Variants in PCDHA3 observed in about 807,000 individuals in gnomAD.
PCDHA3 encodes the protein protocadherin alpha-3.
In PCDHA3, 41 loss-of-function variants were observed where a neutral mutation model predicts 62.2. The ratio of observed to expected loss-of-function variants is 0.66; its 90% CI spans 0.51 to 0.86. The LOEUF is 0.86. Among genes scored for constraint, PCDHA3 ranks in the 40% least tolerant of loss-of-function variants. The probability of loss-of-function intolerance (pLI) is 0.00; values close to 1 mark genes in which losing one functional copy is unlikely to be tolerated. For synonymous variants in PCDHA3, 640 were observed against 555.4 expected (o/e 1.15, Z -2.14); for missense variants, 1,304 against 1,241.2 (o/e 1.05, Z -0.76).
At position 140,855,779 on chromosome 5, in the gene PCDHA3, A is replaced by T. The variant is rs1017564312; in HGVS notation, c.2394+52188A>T. On this transcript the variant is annotated intron_variant, in intron 1 of 3. Transcript: ENST00000522353. ...AAAGTCCATAGACATAAAAATACGT[A>T]AAAAAAGAATTAACATATGAATGAA... is the stretch of plus-strand genomic sequence containing the variant. 1.2e-5 allele frequency: 5 copies of T among 408,902 alleles called. 1 individual carries two copies. Among genetic ancestry groups the T allele is most frequent in the African/African-American group, 2.0e-5 (1 of 49,354 alleles). The allele number at this position is 408,902 out of a possible 1,614,324, so 25.3% of individuals were successfully genotyped here.
At chr5:140,872,797 C>T (rs2153276720) in intron 1 of PCDHA3, among the ~76,000 whole-genome samples, 1 of 152,196 alleles carries the variant, frequency 6.6e-6, no homozygotes, top group South Asian at 2.1e-4. Flanking sequence ...AGTTGGCATT[C>T]TTCCATAAGT....
intron 1 of PCDHA3, chr5:140,862,170 GC>G (rs2047237372): frequency 6.1e-6 from 1 of 164,918 alleles, no homozygotes; most frequent in Non-Finnish European, 1.3e-5. Flanking sequence ...TCAAATACAG[GC>G]AGTTGACACA....
In PCDHA3 at chr5:140,967,564, A is replaced by G. The variant is rs1554229677; in HGVS notation, c.2395-11385A>G. Reference sequence around the variant, plus strand: ...ACCAGTCCACTTATCGCGTCCAGCTACGGGAGGACTCACCCCCAGGCACAT... The same window carrying G: ...ACCAGTCCACTTATCGCGTCCAGCTGCGGGAGGACTCACCCCCAGGCACAT... On this transcript the variant is annotated intron_variant, in intron 1 of 3. Coordinates refer to ENST00000522353, the MANE Select transcript of PCDHA3 (RefSeq NM_018906.3). 10 of 1,614,070 alleles carry G rather than the reference A, an allele frequency of 6.2e-6. No individual in the cohort carries two copies. The Middle Eastern group carries it at 4.9e-4, about 80-fold the overall frequency.
At chr5:140,935,104 A>C (rs1233919640) in intron 1 of PCDHA3, among the ~76,000 whole-genome samples, 1 of 152,126 alleles carries the variant, frequency 6.6e-6, no homozygotes, top group South Asian at 2.1e-4. Flanking sequence ...GCCATTTTTC[A>C]AAGAGCTTTC....
At chr5:140,877,761 C>T (rs2057326734) in intron 1 of PCDHA3, 4 of 1,614,180 alleles carry the variant, frequency 2.5e-6, no homozygotes, top group Non-Finnish European at 8.5e-7. Flanking sequence ...CTGCAGAGAG[C>T]CCGCCCAAGA....
At position 141,010,202 on chromosome 5, in the gene PCDHA3, G is replaced by C; in HGVS notation, c.*265G>C. 6.4e-7 allele frequency: 1 copy of C among 1,551,944 alleles called. No homozygotes were observed. The highest frequency in any genetic ancestry group is 8.7e-7 in the Non-Finnish European group (1 of 1,147,050). The stretch of plus-strand genomic sequence containing the variant: ...CAGACCCAAGTTTCCTTTCTCCTCC[G>C]CCGCAAAGGAGAGGCTTCCCAGCCC... On this transcript the variant is annotated 3_prime_UTR_variant, in exon 4 of 4. Coordinates refer to ENST00000522353, the MANE Select transcript of PCDHA3 (RefSeq NM_018906.3).
At chr5:140,875,546 AGGTGGGGAGCG>A in intron 1 of PCDHA3, 1 of 1,614,002 alleles carries the variant, frequency 6.2e-7, no homozygotes, top group Non-Finnish European at 8.5e-7. Context: ...GCAGCCTGGG[AGGTGGGGAGCG>A]GCCAGCTCCA....
chr5:140,877,172 C>T, intron 1 of PCDHA3: 2 of 1,613,816 alleles, frequency 1.2e-6, no homozygotes, highest in Non-Finnish European at 1.7e-6. Flanking sequence ...GCACTGCTGG[C>T]GACTCCGGCT....
At chr5:140,875,807 G>A in intron 1 of PCDHA3, 1 of 1,614,206 alleles carries the variant, frequency 6.2e-7, no homozygotes, top group South Asian at 1.1e-5. Flanking sequence ...ATCGTGGACA[G>A]GCCGCTGCAG....
At chr5:140,936,266 A>G (rs1407459228) in intron 1 of PCDHA3, among the ~76,000 whole-genome samples, 1 of 152,182 alleles carries the variant, frequency 6.6e-6, no homozygotes, top group African/African-American at 2.4e-5. Context: ...TCATGAAGAT[A>G]TATTCCTGTG....
chr5:140,882,124 C>T (rs1166492594), intron 1 of PCDHA3: 2 of 1,459,646 alleles, frequency 1.4e-6, no homozygotes, highest in African/African-American at 1.4e-5. Flanking sequence ...CCGTTTCTTT[C>T]TTCCTGCAGA....
At chr5:140,955,522 C>A (rs1467341493) in intron 1 of PCDHA3, among the ~76,000 whole-genome samples, 5 of 152,180 alleles carry the variant, frequency 3.3e-5, no homozygotes, top group African/African-American at 1.2e-4. Context: ...GCTTTCCCTT[C>A]CACCATGATT....
In PCDHA3 at chr5:140,830,374, G is replaced by A. The variant is rs150255684; in HGVS notation, c.2394+26783G>A. 1.2e-3 allele frequency: 1,975 copies of A among 1,614,156 alleles called. 3 individuals are homozygous for A. The highest frequency in any genetic ancestry group is 1.6e-3 in the Non-Finnish European group (1,872 of 1,180,020). On this transcript the variant is annotated intron_variant, in intron 1 of 3. Transcript: ENST00000522353. ...AGAGGCGGCAGAGGGTGTGCTCCGG[G>A]GAGGGCCCACCCAAGATGGATCTCA...
intron 1 of PCDHA3, chr5:140,836,191 A>T (rs2150255019): frequency 1.2e-6 from 2 of 1,613,828 alleles, no homozygotes; most frequent in Non-Finnish European, 1.7e-6. Context: ...GACTCAGGCT[A>T]CAACGCGTGG....
At position 140,853,409 on chromosome 5, in the gene PCDHA3, G is replaced by C. The variant is rs2042740384; in HGVS notation, c.2394+49818G>C. 1.0e-5 allele frequency: 10 copies of C among 985,968 alleles called. 2 individuals are homozygous for C. Among genetic ancestry groups the C allele is most frequent in the Non-Finnish European group, 1.2e-5 (10 of 818,342 alleles). 61.1% of individuals were successfully genotyped at this position (985,968 alleles called of 1,614,324 possible). On this transcript the variant is annotated intron_variant, in intron 1 of 3. Transcript: ENST00000522353. Reference sequence around the variant, plus strand: ...CAGCCTGTCAAGTTCAAAACAGAGAGGTGAAAGCAGAAGAGACACTTTCCT... The same window carrying C: ...CAGCCTGTCAAGTTCAAAACAGAGACGTGAAAGCAGAAGAGACACTTTCCT...
intron 1 of PCDHA3, chr5:140,927,292 C>G (rs782109776): frequency 1.3e-5 from 21 of 1,614,162 alleles, no homozygotes; most frequent in Non-Finnish European, 1.7e-6. Context: ...GCTGCACATC[C>G]CCGAGTTCCT....
chr5:140,850,234 T>A lies in PCDHA3; in HGVS notation c.2394+46643T>A, dbSNP rs2150474836. The A allele has an allele frequency of 8.5e-5, 136 of 1,593,694 alleles. 18 individuals carry two copies. Among genetic ancestry groups the A allele is most frequent in the Non-Finnish European group, 1.1e-4 (134 of 1,167,462 alleles). Reference sequence around the variant, plus strand: ...GGCACTGACGGCGCAGTGAGCGAGATGGTGCTGCGGTCGGTGGGCGCCGGC... The same window carrying A: ...GGCACTGACGGCGCAGTGAGCGAGAAGGTGCTGCGGTCGGTGGGCGCCGGC... On this transcript the variant is annotated intron_variant, in intron 1 of 3. Coordinates refer to ENST00000522353, the MANE Select transcript of PCDHA3 (RefSeq NM_018906.3).
rs1554125022 is a variant in PCDHA3, at chr5:140,809,143, G to A, written c.2394+5552G>A. 2.5e-6 allele frequency: 4 copies of A among 1,614,018 alleles called. No individual in the cohort carries two copies. In the East Asian group the frequency reaches 8.9e-5, roughly 36 times the overall value. On this transcript the variant is annotated intron_variant, in intron 1 of 3. Coordinates refer to ENST00000522353, the MANE Select transcript of PCDHA3 (RefSeq NM_018906.3). ...GCCACCGCCTACTGGTACTGGTGAA[G>A]GACCACGGCGAGCCCGCGCTGACGG...
intron 1 of PCDHA3, chr5:140,847,497 A>G (rs1331989915): frequency 3.3e-5 from 5 of 149,972 alleles, no homozygotes; most frequent in African/African-American, 1.2e-4. Context: ...AAAACTCACA[A>G]CAAAACTTTG....
Sources: gnomAD v4.1 joint callset for allele counts (sites outside exome capture counted in the v4.1 genomes callset) on GRCh38, gnomAD v4.1.1 for gene constraint, MANE v1.5 for transcripts, NCBI Gene and HGNC (gene_info 2026-07-23, HGNC 2026-07-21) for gene names.